Variants in BCL2 observed in about 807,000 individuals in gnomAD.
BCL2 encodes apoptosis regulator Bcl-2.
BCL2 carries 1 observed loss-of-function variant against 14.2 expected under a neutral mutation model. That is an observed-to-expected ratio of 0.07 (90% CI 0.02 to 0.33). The LOEUF (loss-of-function observed/expected upper bound fraction) is 0.33, where lower values mean the gene tolerates loss of function less well. Among genes scored for constraint, BCL2 ranks in the 10% least tolerant of loss-of-function variants. The probability of loss-of-function intolerance (pLI) is 0.99; values close to 1 mark genes in which losing one functional copy is unlikely to be tolerated. For synonymous variants in BCL2, 151 were observed against 137.2 expected, an observed-to-expected ratio of 1.10 and a Z score of -0.70; for missense variants, 247 against 305.9, an observed-to-expected ratio of 0.81 and a Z score of 1.44.
intron 2 of BCL2, among the ~76,000 whole-genome samples, chr18:63,238,602 T>C (rs1910904160): frequency 6.6e-6 from 1 of 152,226 alleles, no homozygotes. Flanking sequence ...TCCCTGCTAC[T>C]GACATTAAAA....
chr18:63,298,907 G>A (rs1306672485), intron 2 of BCL2, among the ~76,000 whole-genome samples: 3 of 152,124 alleles, frequency 2.0e-5, no homozygotes, highest in Non-Finnish European at 4.4e-5. Flanking sequence ...GCAGCTTCCT[G>A]GAAGGCTCAA....
chr18:63,155,164 T>C (rs1914743959), intron 2 of BCL2, among the ~76,000 whole-genome samples: 2 of 151,944 alleles, frequency 1.3e-5, no homozygotes, highest in African/African-American at 4.8e-5. Context: ...ATGCCAAACG[T>C]CTGGTGGAGG....
At chr18:63,226,810 A>G (rs1401559737) in intron 2 of BCL2, among the ~76,000 whole-genome samples, 1 of 152,184 alleles carries the variant, frequency 6.6e-6, no homozygotes, top group East Asian at 1.9e-4. Context: ...TGTTAAAGAA[A>G]AAAATAGAAC....
In BCL2 at chr18:63,237,072, T is replaced by A. The variant is rs148452281; in HGVS notation, c.585+81010A>T. 1.6e-3 allele frequency among the ~76,000 whole-genome samples: 240 copies of A among 152,312 alleles called. 1 individual carries two copies. The highest frequency in any genetic ancestry group is 5.4e-3 in the African/African-American group (225 of 41,562). On this transcript the variant is annotated intron_variant, in intron 2 of 2. Transcript: ENST00000333681. ...TCTTGCCTCTGGGAAATACATAAAA[T>A]GCCTAGCAACAGTTCCTGGTGGCGG...
intron 2 of BCL2, among the ~76,000 whole-genome samples, chr18:63,133,570 G>T (rs1023502619): frequency 1.3e-5 from 2 of 152,200 alleles, no homozygotes; most frequent in Middle Eastern, 3.4e-3. Flanking sequence ...TTACAGGCAT[G>T]AGCCACCACC....
At chr18:63,138,047 C>T (rs765719908) in intron 2 of BCL2, among the ~76,000 whole-genome samples, 3 of 152,098 alleles carry the variant, frequency 2.0e-5, no homozygotes, top group Non-Finnish European at 2.9e-5. Context: ...GACATGCAAC[C>T]GTCAGGTGAG....
At chr18:63,311,942 A>C (rs953240520) in intron 2 of BCL2, among the ~76,000 whole-genome samples, 1 of 152,262 alleles carries the variant, frequency 6.6e-6, no homozygotes, top group Non-Finnish European at 1.5e-5. Flanking sequence ...TTGAAGTCTC[A>C]GGTATAACCC....
In BCL2 at chr18:63,149,495, C is replaced by T. The variant is rs887336846; in HGVS notation, c.586-20736G>A. Among the ~76,000 whole-genome samples the T allele has an allele frequency of 5.9e-5, 9 of 152,308 alleles. No homozygotes were observed. Among genetic ancestry groups the T allele is most frequent in the Middle Eastern group, 3.4e-3 (1 of 294 alleles). ...CTGTTGGCTGGTGCCAGACGACTTT[C>T]GCTTGTTCTGTCTCTGTTTCTCTTC... On this transcript the variant is annotated intron_variant, in intron 2 of 2. Transcript: ENST00000333681. This position sits in a 1 kb window ranked among gnomAD's most constrained non-coding sequence, Gnocchi z 4.2.
chr18:63,223,553 T>C (rs776076040), intron 2 of BCL2, among the ~76,000 whole-genome samples: 8 of 152,178 alleles, frequency 5.3e-5, no homozygotes, highest in Non-Finnish European at 1.0e-4. Flanking sequence ...GATTTTGGAA[T>C]TGGGAGATGC....
intron 2 of BCL2, among the ~76,000 whole-genome samples, chr18:63,280,498 G>A (rs1015684701): frequency 1.3e-5 from 2 of 152,088 alleles, no homozygotes; most frequent in Non-Finnish European, 2.9e-5. Flanking sequence ...AAAACAACCT[G>A]ATTTTAAAAA....
intron 2 of BCL2, among the ~76,000 whole-genome samples, chr18:63,198,517 CAT>C (rs138547371): frequency 0.21 from 28,452 of 138,178 alleles, 3,503 homozygotes; most frequent in South Asian, 0.33. Flanking sequence ...CACAGACACA[CAT>C]AGACACAGAC....
chr18:63,232,247 CA>C lies in BCL2; in HGVS notation c.585+85834del, dbSNP rs912537145. On this transcript the variant is annotated intron_variant, in intron 2 of 2. Transcript: ENST00000333681. ...TTTATGGTCTTAAGTGAGGGACTGA[CA>C]AAAAAAAATACAAACCATAAAGTAA... 2.8e-3 allele frequency among the ~76,000 whole-genome samples: 400 copies of C among 144,274 alleles called. 2 individuals are homozygous for C. Among genetic ancestry groups the C allele is most frequent in the African/African-American group, 9.4e-3 (368 of 39,070 alleles). The allele number at this position is 144,274 out of a possible 152,430, so 94.6% of individuals were successfully genotyped here. A position where few individuals can be genotyped will look rare whatever the true frequency, so the allele number is the denominator to read the frequency against.
At chr18:63,217,607 G>A (rs1910240540) in intron 2 of BCL2, among the ~76,000 whole-genome samples, 1 of 152,332 alleles carries the variant, frequency 6.6e-6, no homozygotes, top group Admixed American at 6.5e-5. Context: ...ACCGCCAAAT[G>A]ACAGGCCTCC....
At chr18:63,197,156 T>A (rs940417588) in intron 2 of BCL2, among the ~76,000 whole-genome samples, 3 of 152,306 alleles carry the variant, frequency 2.0e-5, no homozygotes, top group African/African-American at 7.2e-5. Flanking sequence ...CAAACACACA[T>A]GGGTGGAAAT....
intron 2 of BCL2, among the ~76,000 whole-genome samples, chr18:63,296,874 G>T (rs1912811279): frequency 6.6e-6 from 1 of 152,228 alleles, no homozygotes; most frequent in Admixed American, 6.5e-5. Flanking sequence ...ACCACATTGT[G>T]CAATAAATGG....
chr18:63,200,404 G>C lies in BCL2; in HGVS notation c.586-71645C>G, dbSNP rs371655644. 3.3e-5 allele frequency among the ~76,000 whole-genome samples: 5 copies of C among 152,190 alleles called. No individual in the cohort carries two copies. In the East Asian group the frequency reaches 9.6e-4, roughly 29 times the overall value. ...ACAATAACTGATTTATATCCCAAAAGGGGCAATACATCTGACCCCTTACAC... is the reference window on the plus strand; with the variant it reads ...ACAATAACTGATTTATATCCCAAAACGGGCAATACATCTGACCCCTTACAC... On this transcript the variant is annotated intron_variant, in intron 2 of 2. Coordinates refer to ENST00000333681, the MANE Select transcript of BCL2 (RefSeq NM_000633.3).
At chr18:63,190,124 G>A (rs1198505455) in intron 2 of BCL2, among the ~76,000 whole-genome samples, 2 of 152,068 alleles carry the variant, frequency 1.3e-5, no homozygotes, top group African/African-American at 4.8e-5. Flanking sequence ...CACACTGAGC[G>A]AAAGAATAGA....
At chr18:63,239,818 G>A (rs1910946478) in intron 2 of BCL2, among the ~76,000 whole-genome samples, 2 of 152,108 alleles carry the variant, frequency 1.3e-5, no homozygotes, top group African/African-American at 4.8e-5. Flanking sequence ...TTCATGCATG[G>A]AATCTTCCCA....
At chr18:63,198,769 A>T (rs1312545405) in intron 2 of BCL2, among the ~76,000 whole-genome samples, 79 of 146,906 alleles carry the variant, frequency 5.4e-4, no homozygotes, top group South Asian at 8.9e-4. Context: ...ACTGACACAG[A>T]GACACACAGA....
Sources: gnomAD v4.1 joint callset for allele counts (sites outside exome capture counted in the v4.1 genomes callset) on GRCh38, gnomAD v4.1.1 for gene constraint, Gnocchi (gnomAD v3.1) non-coding constraint, MANE v1.5 for transcripts, NCBI Gene and HGNC (gene_info 2026-07-23, HGNC 2026-07-21) for gene names.